The following ADGRB3 variants were observed in gnomAD, a reference collection of about 807,000 sequenced individuals.
ADGRB3 encodes the protein adhesion G protein-coupled receptor B3.
In ADGRB3, 37 loss-of-function variants were observed where a neutral mutation model predicts 193.4. That is an observed-to-expected ratio of 0.19 (90% CI 0.15 to 0.25). The LOEUF is 0.25. Among genes scored for constraint, ADGRB3 ranks in the 10% least tolerant of loss-of-function variants. The pLI is 1.00. For synonymous variants in ADGRB3, 690 were observed against 644.2 expected (o/e 1.07, Z -1.08); for missense variants, 1,637 against 1,852.9 (o/e 0.88, Z 2.14).
chr6:68,949,820 T>C (rs2150253831), intron 6 of ADGRB3, among the ~76,000 whole-genome samples: 1 of 152,284 alleles, frequency 6.6e-6, no homozygotes, highest in East Asian at 1.9e-4. Context: ...TTTAAATTAA[T>C]TGTGTCTTTA....
intron 3 of ADGRB3, among the ~76,000 whole-genome samples, chr6:68,748,298 C>T (rs1203895642): frequency 6.6e-6 from 1 of 152,174 alleles, no homozygotes; most frequent in African/African-American, 2.4e-5. Context: ...TCATCTGAGA[C>T]AAGGCAAGTC....
chr6:68,707,040 G>A (rs1267480838), intron 3 of ADGRB3, among the ~76,000 whole-genome samples: 2 of 151,288 alleles, frequency 1.3e-5, no homozygotes, highest in Non-Finnish European at 2.9e-5. Context: ...GAACCCAGGC[G>A]GCGGAGTTTG....
chr6:68,753,228 A>T (rs974669976), intron 3 of ADGRB3, among the ~76,000 whole-genome samples: 2 of 152,204 alleles, frequency 1.3e-5, no homozygotes, highest in African/African-American at 4.8e-5. Flanking sequence ...TTGCCAAGTA[A>T]GTGTCAAATT....
At chr6:68,854,209 A>G (rs1364055397) in intron 3 of ADGRB3, among the ~76,000 whole-genome samples, 2 of 152,168 alleles carry the variant, frequency 1.3e-5, no homozygotes, top group African/African-American at 2.4e-5. Flanking sequence ...TTCTCTGGCT[A>G]TGGCTGTTAA....
intron 17 of ADGRB3, among the ~76,000 whole-genome samples, chr6:69,097,082 T>C (rs1390564200): frequency 6.6e-6 from 1 of 152,220 alleles, no homozygotes; most frequent in African/African-American, 2.4e-5. Flanking sequence ...TTAAAAGCTG[T>C]AGCTGGTAAT....
intron 3 of ADGRB3, among the ~76,000 whole-genome samples, chr6:68,789,864 G>T (rs1340030472): frequency 6.6e-6 from 1 of 151,826 alleles, no homozygotes; most frequent in Non-Finnish European, 1.5e-5. Context: ...TTTTATTCTT[G>T]TTTCTCTAAA....
At chr6:69,030,429 G>A (rs1582406012) in intron 13 of ADGRB3, among the ~76,000 whole-genome samples, 1 of 152,200 alleles carries the variant, frequency 6.6e-6, no homozygotes, top group Non-Finnish European at 1.5e-5. Context: ...GGAATACTGT[G>A]CAGCCATAAA....
chr6:68,773,882 A>C (rs1031203222), intron 3 of ADGRB3, among the ~76,000 whole-genome samples: 2 of 152,126 alleles, frequency 1.3e-5, no homozygotes, highest in East Asian at 3.9e-4. Flanking sequence ...AAGGAGACTT[A>C]GATGTAAGAT....
intron 17 of ADGRB3, among the ~76,000 whole-genome samples, chr6:69,089,876 T>C (rs917701602): frequency 1.3e-5 from 2 of 152,178 alleles, no homozygotes; most frequent in African/African-American, 4.8e-5. Context: ...TCTCCAGATA[T>C]TACCAAATGT....
chr6:68,959,724 G>A (rs1932620), intron 8 of ADGRB3, among the ~76,000 whole-genome samples: 114,575 of 151,986 alleles, frequency 0.75, 43,941 homozygotes, highest in African/African-American at 0.83. Flanking sequence ...GACAAAAAAT[G>A]TATTTCTTTT....
chr6:69,377,489 C>A (rs761735199), intron 30 of ADGRB3, among the ~76,000 whole-genome samples: 8 of 152,024 alleles, frequency 5.3e-5, no homozygotes, highest in Non-Finnish European at 1.0e-4. Context: ...CATCTAGAAG[C>A]CAGCCATAAA....
intron 3 of ADGRB3, among the ~76,000 whole-genome samples, chr6:68,696,450 T>C (rs1468991472): frequency 2.0e-5 from 3 of 151,816 alleles, no homozygotes; most frequent in East Asian, 3.9e-4. Flanking sequence ...CCTATGGGAT[T>C]TTGCACAACC....
intron 6 of ADGRB3, among the ~76,000 whole-genome samples, chr6:68,954,702 C>T (rs1398351079): frequency 3.5e-5 from 5 of 142,210 alleles, no homozygotes; most frequent in East Asian, 4.1e-4. Context: ...TTTTTTGAGA[C>T]GGAGTCTTGC....
intron 3 of ADGRB3, among the ~76,000 whole-genome samples, chr6:68,772,480 T>G (rs1241498564): frequency 1.3e-5 from 2 of 152,050 alleles, no homozygotes; most frequent in East Asian, 3.9e-4. Context: ...GTTGCAGATT[T>G]GGAAGCAAAT....
chr6:68,993,660 G>A, intron 10 of ADGRB3, 108 bp from the exon 11 acceptor site: 1 of 1,140,758 alleles, frequency 8.8e-7, no homozygotes, highest in Admixed American at 2.2e-5. Flanking sequence ...GCATTGCAAG[G>A]CTATTTTAAG....
At chr6:69,112,581 A>G (rs1355099984) in intron 17 of ADGRB3, among the ~76,000 whole-genome samples, 1 of 152,114 alleles carries the variant, frequency 6.6e-6, no homozygotes, top group Admixed American at 6.5e-5. Flanking sequence ...AGCTATATCA[A>G]TGTGTGTGTA....
intron 15 of ADGRB3, among the ~76,000 whole-genome samples, chr6:69,058,226 A>G (rs2150305919): frequency 6.6e-6 from 1 of 151,956 alleles, no homozygotes; most frequent in South Asian, 2.1e-4. Flanking sequence ...TTGACATATA[A>G]TTAATTGTTC....
intron 8 of ADGRB3, among the ~76,000 whole-genome samples, chr6:68,958,951 G>T (rs1353668523): frequency 2.0e-5 from 3 of 151,270 alleles, no homozygotes; most frequent in African/African-American, 7.3e-5. Context: ...CTTGTCTGGT[G>T]CATTTATATA....
intron 26 of ADGRB3, among the ~76,000 whole-genome samples, chr6:69,341,405 A>T (rs1439039337): frequency 6.6e-6 from 1 of 152,176 alleles, no homozygotes; most frequent in Non-Finnish European, 1.5e-5. Flanking sequence ...TTGGCTGCAT[A>T]AATGTCTTAA....
Sources: allele counts gnomAD v4.1 joint callset (sites outside exome capture counted in the v4.1 genomes callset), GRCh38; gene constraint gnomAD v4.1.1; transcripts MANE v1.5; gene names NCBI Gene and HGNC (gene_info 2026-07-23, HGNC 2026-07-21).